The following FMR1 variants were observed in gnomAD, a reference collection of about 807,000 sequenced individuals.
The protein encoded by FMR1 is fragile X messenger ribonucleoprotein 1.
Under a neutral mutation model 50.6 loss-of-function variants are expected in FMR1, and 13 were observed. The observed-to-expected ratio is 0.26, with a 90% CI of 0.17 to 0.41. FMR1 has a LOEUF of 0.41. Among genes scored for constraint, FMR1 ranks in the 10% least tolerant of loss-of-function variants. The probability of loss-of-function intolerance (pLI) is 1.00; values close to 1 mark genes in which losing one functional copy is unlikely to be tolerated. For missense variants in FMR1, 316 were observed against 491.3 expected, an observed-to-expected ratio of 0.64 and a Z score of 3.37; for synonymous variants, 138 against 164.1, an observed-to-expected ratio of 0.84 and a Z score of 1.22.
At position 147,912,196 on chromosome X, in the gene FMR1, T is replaced by C. The variant is rs1557173998; in HGVS notation, c.17T>C (p.Val6Ala). MEELV[V>A]EVRGSNGAFY... Reference sequence around the variant, plus strand: ...GAAGAGAAGATGGAGGAGCTGGTGGTGGAAGTGCGGGGCTCCAATGGCGCT... The same window carrying C: ...GAAGAGAAGATGGAGGAGCTGGTGGCGGAAGTGCGGGGCTCCAATGGCGCT... The change falls in exon 1 of 17, where the codon GTG becomes GCG. Residue 6 changes from valine (V) to alanine (A), a missense_variant. Val to Ala is a moderately conservative substitution (Grantham distance 64). This residue lies in a region of FMR1 where 124 missense variants were observed against 238.1 expected (regional missense o/e 0.52). Transcript: ENST00000370475. 3 of 1,154,362 alleles carry C rather than the reference T, an allele frequency of 2.6e-6. No homozygotes were observed.
chrX:147,937,770 T>C (rs1557179955), intron 11 of FMR1, among the ~76,000 whole-genome samples, 170 bp downstream of exon 11: 1 of 112,196 alleles, frequency 8.9e-6, no homozygotes, highest in East Asian at 2.8e-4. Flanking sequence ...TGATACATAC[T>C]TTTCAATTTA....
rs1569546200 is a variant in FMR1 at position 147,950,177 on chromosome X, G to A, written c.*1333G>A. 1 of 328,167 alleles carries A rather than the reference G, an allele frequency of 3.0e-6. No homozygotes were observed. The highest frequency in any genetic ancestry group is 9.7e-5 in the East Asian group (1 of 10,268). The allele number at this position is 328,167 out of a possible 1,213,427, so 27.0% of individuals were successfully genotyped here. A position where few individuals can be genotyped will look rare whatever the true frequency, so the allele number is the denominator to read the frequency against. On this transcript the variant is annotated 3_prime_UTR_variant, in exon 17 of 17. Coordinates refer to ENST00000370475, the MANE Select transcript of FMR1 (RefSeq NM_002024.6). ...TCTTAAAAAGTAACTCCTAGTAGGG[G>A]TACCACTGAATCTGTACAGAGCCGT...
intron 1 of FMR1, among the ~76,000 whole-genome samples, chrX:147,916,019 A>G (rs1557175117): frequency 8.9e-6 from 1 of 112,160 alleles, no homozygotes; most frequent in Non-Finnish European, 1.9e-5. Flanking sequence ...ACCATTTTTT[A>G]TTGTTAATAC....
intron 9 of FMR1, among the ~76,000 whole-genome samples, chrX:147,934,943 A>G (rs1334544835): frequency 1.8e-5 from 2 of 111,833 alleles, no homozygotes; most frequent in Non-Finnish European, 3.8e-5. Context: ...TTTTCATTAA[A>G]ATTGGATTCT....
At chrX:147,941,866 G>C (rs1453668357) in intron 13 of FMR1, among the ~76,000 whole-genome samples, 1 of 112,106 alleles carries the variant, frequency 8.9e-6, no homozygotes, top group East Asian at 2.8e-4. Flanking sequence ...CAGCTGCCCT[G>C]TTGCCATTCT....
chrX:147,915,903 T>C (rs1602917115), intron 1 of FMR1, among the ~76,000 whole-genome samples: 1 of 112,052 alleles, frequency 8.9e-6, no homozygotes, highest in Non-Finnish European at 1.9e-5. Flanking sequence ...CTTGAAGAAA[T>C]TGGTTTGATT....
chrX:147,944,686 A>C (rs1465605716), intron 14 of FMR1, 183 bp from the exon 15 acceptor site: 9 of 1,052,506 alleles, frequency 8.6e-6, no homozygotes, highest in Non-Finnish European at 9.7e-6. Context: ...CAAATATTGC[A>C]AAGCCCTTCA....
At chrX:147,924,965 G>A (rs1392056429) in intron 2 of FMR1, 1 of 114,310 alleles carries the variant, frequency 8.7e-6, no homozygotes, top group Non-Finnish European at 1.8e-5. Flanking sequence ...CACCATCCCA[G>A]TGCATGCTGA....
chrX:147,915,743 A>G (rs1353208826), intron 1 of FMR1, among the ~76,000 whole-genome samples: 1 of 111,722 alleles, frequency 9.0e-6, no homozygotes, highest in Non-Finnish European at 1.9e-5. Flanking sequence ...TCTAGGTGCC[A>G]GGCACTGTTC....
chrX:147,940,457 C>T (rs1557180578), intron 12 of FMR1, 119 bp from the exon 13 acceptor site: 2 of 550,310 alleles, frequency 3.6e-6, no homozygotes, highest in Non-Finnish European at 6.6e-6. Context: ...ATATTTACAG[C>T]AAACATTTGT....
chrX:147,930,304 T>C (rs2043548614), intron 7 of FMR1, 60 bp downstream of exon 7: 1 of 691,227 alleles, frequency 1.4e-6, no homozygotes, highest in Non-Finnish European at 2.4e-6. Context: ...ACTGTATCAT[T>C]CCACAACTTG....
At chrX:147,929,208 G>A (rs2043500376) in intron 5 of FMR1, among the ~76,000 whole-genome samples, 1 of 111,953 alleles carries the variant, frequency 8.9e-6, no homozygotes, top group South Asian at 3.6e-4. Flanking sequence ...TGTGTAATAA[G>A]TAGAGCCAAA....
At chrX:147,926,159 G>A (rs1354892232) in intron 3 of FMR1, among the ~76,000 whole-genome samples, 1 of 111,704 alleles carries the variant, frequency 9.0e-6, no homozygotes, top group African/African-American at 3.3e-5. Context: ...CTCCCGTTGA[G>A]CTCTTTGACC....
intron 16 of FMR1, 38 bp from the exon 17 acceptor site, chrX:147,948,645 A>G (rs782179147): frequency 2.5e-6 from 3 of 1,211,482 alleles, no homozygotes; most frequent in Non-Finnish European, 2.2e-6. Context: ...TTACAGTAGG[A>G]TATGGTCTGT....
chrX:147,936,236 C>T (rs1293074311), intron 9 of FMR1, among the ~76,000 whole-genome samples: 2 of 111,651 alleles, frequency 1.8e-5, no homozygotes, highest in African/African-American at 6.5e-5. Flanking sequence ...CTTAAAAATC[C>T]AAAATTACCC....
intron 2 of FMR1, among the ~76,000 whole-genome samples, chrX:147,924,467 TTGTG>T (rs3999731): frequency 0.21 from 19,461 of 90,933 alleles, 2,624 homozygotes; most frequent in East Asian, 0.69. Flanking sequence ...AGTATTTTAT[TTGTG>T]TGTGTGTGTG....
At chrX:147,912,568 C>T (rs2042636080) in intron 1 of FMR1, among the ~76,000 whole-genome samples, 1 of 113,051 alleles carries the variant, frequency 8.8e-6, no homozygotes, top group South Asian at 3.6e-4. Context: ...CGCTAAGTGA[C>T]GGCGATGGCT....
intron 9 of FMR1, chrX:147,933,764 A>T (rs2043689796): frequency 2.4e-6 from 1 of 415,025 alleles, no homozygotes; most frequent in South Asian, 1.3e-4. Context: ...GAAACTTTAA[A>T]GAAGAAAGCA....
rs782004538 is a variant in FMR1, at chrX:147,930,028, A to G, written c.500A>G (p.Gln167Arg). ...GTAACTTATGATCCAGAAAATTATC[A>G]GCTTGTCATTTTGGTGAGCATTTTT... The part of the protein sequence containing the change: ...FSVTYDPENY[Q>R]LVILSINEVT... The change falls in exon 6 of 17, where the codon CAG becomes CGG. Residue 167 changes from glutamine (Q) to arginine (R), a missense_variant. Transcript: ENST00000370475. 2.5e-6 allele frequency: 3 copies of G among 1,201,474 alleles called. No homozygotes were observed. Among genetic ancestry groups the G allele is most frequent in the East Asian group, 5.9e-5 (2 of 33,814 alleles).
Sources: gnomAD v4.1 joint callset for allele counts (sites outside exome capture counted in the v4.1 genomes callset) on GRCh38, gnomAD v4.1.1 for gene constraint, gnomAD v4.1.1 regional missense constraint, MANE v1.5 for transcripts, NCBI Gene and HGNC (gene_info 2026-07-23, HGNC 2026-07-21) for gene names.